The following NCS1 variants were observed in gnomAD, a reference collection of about 807,000 sequenced individuals.
NCS1 encodes the protein frequenin homolog.
A neutral mutation model predicts 28.4 loss-of-function variants in NCS1; 6 were observed. That is an observed-to-expected ratio of 0.21 (90% CI 0.12 to 0.42). The LOEUF is 0.42. Ranked by LOEUF, NCS1 falls within the 10% of genes least tolerant of loss-of-function variation. The pLI is 1.00. For synonymous variants in NCS1, 86 were observed against 99.3 expected (o/e 0.87, Z 0.79); for missense variants, 131 against 241.4 (o/e 0.54, Z 3.03).
At chr9:130,231,364 C>CGT (rs1833499314) in intron 7 of NCS1, among the ~76,000 whole-genome samples, 1 of 151,390 alleles carries the variant, frequency 6.6e-6, no homozygotes, top group South Asian at 2.1e-4. Context: ...AAAAAAAAAA[C>CGT]TTTAATTTTG....
intron 4 of NCS1, among the ~76,000 whole-genome samples, chr9:130,220,757 T>C (rs1381090438): frequency 2.6e-4 from 40 of 151,792 alleles, no homozygotes; most frequent in African/African-American, 8.5e-4. Flanking sequence ...TTCTTTCTTT[T>C]TTTTTTTTTT....
At chr9:130,213,267 GTTTTC>G (rs753564484) in intron 2 of NCS1, among the ~76,000 whole-genome samples, 125 of 152,232 alleles carry the variant, frequency 8.2e-4, no homozygotes, top group Non-Finnish European at 1.4e-3. Flanking sequence ...CACATCACTG[GTTTTC>G]TTTTCTTTCT....
rs1326549588 is a variant in NCS1 at position 130,209,232 on chromosome 9, A to G, written c.89+8250A>G. On this transcript the variant is annotated intron_variant, in intron 2 of 7. Coordinates refer to ENST00000372398, the MANE Select transcript of NCS1 (RefSeq NM_014286.4). The surrounding 1 kb of genome is among the most constrained non-coding windows in gnomAD (Gnocchi z 4.4). ...TAGCAATCTCTGTCCCACCTTTTGC[A>G]CTGCAGAGAGCAGCTGCCGCAGTAT... 6.6e-6 allele frequency among the ~76,000 whole-genome samples: 1 copy of G among 152,190 alleles called. No individual in the cohort carries two copies. Among genetic ancestry groups the G allele is most frequent in the Non-Finnish European group, 1.5e-5 (1 of 68,038 alleles).
intron 1 of NCS1, among the ~76,000 whole-genome samples, chr9:130,176,435 A>G (rs548116169): frequency 2.0e-5 from 3 of 152,192 alleles, no homozygotes; most frequent in South Asian, 2.1e-4. Flanking sequence ...GCCTCAAGCA[A>G]TCCTCCTGCC....
chr9:130,183,745 T>TTCTTTC (rs376084338), intron 1 of NCS1, among the ~76,000 whole-genome samples: 11 of 150,552 alleles, frequency 7.3e-5, no homozygotes, highest in Admixed American at 4.6e-4. Context: ...TCTTCCTTCC[T>TTCTTTC]TCTTTCTCTT....
intron 2 of NCS1, among the ~76,000 whole-genome samples, chr9:130,210,753 G>C (rs967754000): frequency 6.6e-6 from 1 of 152,048 alleles, no homozygotes; most frequent in Non-Finnish European, 1.5e-5. Context: ...AGTGGGGCAG[G>C]ATCAAGCCAG....
At chr9:130,198,805 C>T (rs1469279712) in intron 1 of NCS1, among the ~76,000 whole-genome samples, 1 of 152,142 alleles carries the variant, frequency 6.6e-6, no homozygotes, top group Non-Finnish European at 1.5e-5. Flanking sequence ...GGCTTTAGCA[C>T]CTGTGGCCCT....
At chr9:130,218,022 A>G (rs1005662289) in intron 3 of NCS1, 52 bp downstream of exon 3, 10 of 1,610,464 alleles carry the variant, frequency 6.2e-6, no homozygotes, top group Non-Finnish European at 8.5e-6. Flanking sequence ...TCCTGTGGGT[A>G]CCCGCAGCGT....
rs532197838 is a variant in NCS1, at chr9:130,232,798, A to G, written c.*18-192A>G. Among the ~76,000 whole-genome samples, 10 of 149,026 alleles carry G rather than the reference A, an allele frequency of 6.7e-5. No individual in the cohort carries two copies. The East Asian group carries it at 1.6e-3, about 23-fold the overall frequency. On this transcript the variant is annotated intron_variant, in intron 7 of 7. Transcript: ENST00000372398. This position sits in a 1 kb window ranked among gnomAD's most constrained non-coding sequence, Gnocchi z 4.4. ...AAGACTCCAACTCAAAAAAAAGCAA[A>G]CAAAAAAAAACCAAAAAACCCAAAG... is the stretch of plus-strand genomic sequence containing the variant.
chr9:130,225,766 T>G (rs974347679), intron 6 of NCS1, among the ~76,000 whole-genome samples: 7 of 152,224 alleles, frequency 4.6e-5, no homozygotes, highest in African/African-American at 1.7e-4. Flanking sequence ...CGGCGCTGTT[T>G]TCGGCACTTA....
rs1588123626 is a variant in NCS1 at position 130,219,860 on chromosome 9, G to A, written c.307+57G>A. ...GCAGCTGGAGGGCCCAGGTCAGAGGGAGGCAGCCCTCGGCCCTCACCAGGC... is the reference window on the plus strand; with the variant it reads ...GCAGCTGGAGGGCCCAGGTCAGAGGAAGGCAGCCCTCGGCCCTCACCAGGC... On this transcript the variant is annotated intron_variant, in intron 4 of 7. Coordinates refer to ENST00000372398, the MANE Select transcript of NCS1 (RefSeq NM_014286.4). This position sits in a 1 kb window ranked among gnomAD's most constrained non-coding sequence, Gnocchi z 5.7. 1.3e-6 allele frequency: 2 copies of A among 1,572,886 alleles called. No individual in the cohort carries two copies. The highest frequency in any genetic ancestry group is 2.2e-5 in the East Asian group (1 of 44,644).
At chr9:130,222,189 C>G (rs1364976925) in intron 4 of NCS1, among the ~76,000 whole-genome samples, 3 of 149,382 alleles carry the variant, frequency 2.0e-5, no homozygotes, top group Non-Finnish European at 4.4e-5. Context: ...GAGACTTGCT[C>G]TGTCACCCAG....
rs566260829 is a variant in NCS1 at position 130,186,953 on chromosome 9, C to T, written c.65-14005C>T. Among the ~76,000 whole-genome samples the T allele has an allele frequency of 1.3e-5, 2 of 152,318 alleles. No individual in the cohort carries two copies. Among genetic ancestry groups the T allele is most frequent in the East Asian group, 1.9e-4 (1 of 5,170 alleles). On this transcript the variant is annotated intron_variant, in intron 1 of 7. Transcript: ENST00000372398. This position sits in a 1 kb window ranked among gnomAD's most constrained non-coding sequence, Gnocchi z 4.1. ...GAGCTTATGTGGCCAGAAGCAGATCCGCGGAAGTCCCTTGGCCTCTCCAAG... is the reference window on the plus strand; with the variant it reads ...GAGCTTATGTGGCCAGAAGCAGATCTGCGGAAGTCCCTTGGCCTCTCCAAG...
chr9:130,201,061 G>C, intron 2 of NCS1, 79 bp downstream of exon 2: 2 of 1,580,868 alleles, frequency 1.3e-6, no homozygotes, highest in African/African-American at 2.7e-5. Flanking sequence ...GGGGACAGCA[G>C]TCCAGCTGCT....
intron 1 of NCS1, among the ~76,000 whole-genome samples, chr9:130,199,351 C>T (rs1287025619): frequency 6.6e-6 from 1 of 152,220 alleles, no homozygotes; most frequent in Non-Finnish European, 1.5e-5. Flanking sequence ...CCTCGGCCTC[C>T]CAAAGTGCTG....
rs1833590948 is a variant in NCS1, at chr9:130,236,246, C to T, written c.*3274C>T. 6.6e-6 allele frequency: 1 copy of T among 152,222 alleles called. No homozygotes were observed. Among genetic ancestry groups the T allele is most frequent in the African/African-American group, 2.4e-5 (1 of 41,446 alleles). 9.4% of individuals were successfully genotyped at this position (152,222 alleles called of 1,614,324 possible). A position where few individuals can be genotyped will look rare whatever the true frequency, so the allele number is the denominator to read the frequency against. Reference sequence around the variant, plus strand: ...CTGGAAAAAGCCTCCATTGCCCACCCGCCAGGCGGAAAGTCACCCTGTTCC... The same window carrying T: ...CTGGAAAAAGCCTCCATTGCCCACCTGCCAGGCGGAAAGTCACCCTGTTCC... On this transcript the variant is annotated 3_prime_UTR_variant, in exon 8 of 8. Coordinates refer to ENST00000372398, the MANE Select transcript of NCS1 (RefSeq NM_014286.4).
At chr9:130,176,194 C>T (rs1187443455) in intron 1 of NCS1, among the ~76,000 whole-genome samples, 8,524 of 49,572 alleles carry the variant, frequency 0.17, 761 homozygotes, top group East Asian at 0.45. Flanking sequence ...TTCTTTCTTT[C>T]TTTTTTTTTT....
chr9:130,185,926 T>C (rs1187371486), intron 1 of NCS1, among the ~76,000 whole-genome samples: 1 of 152,228 alleles, frequency 6.6e-6, no homozygotes. Flanking sequence ...GAAGAGCAGC[T>C]GTCAAAATCG....
intron 1 of NCS1, among the ~76,000 whole-genome samples, chr9:130,195,547 C>T (rs1449602698): frequency 6.6e-6 from 1 of 152,166 alleles, no homozygotes; most frequent in African/African-American, 2.4e-5. Flanking sequence ...CTTCAGCCTC[C>T]GTGGTAGCTG....
Sources: gnomAD v4.1 joint callset for allele counts (sites outside exome capture counted in the v4.1 genomes callset) on GRCh38, gnomAD v4.1.1 for gene constraint, Gnocchi (gnomAD v3.1) non-coding constraint, MANE v1.5 for transcripts, NCBI Gene and HGNC (gene_info 2026-07-23, HGNC 2026-07-21) for gene names.